NEBL: variants seen among roughly 807,000 people sequenced by gnomAD.
NEBL encodes nebulette, also known as LIM and SH3 protein 2.
A neutral mutation model predicts 140.2 loss-of-function variants in NEBL; 122 were observed. That is an observed-to-expected ratio of 0.87 (90% CI 0.75 to 1.01). The LOEUF is 1.01. Among genes scored for constraint, NEBL ranks in the 50% least tolerant of loss-of-function variants. NEBL has a pLI of 0.00. For synonymous variants in NEBL, 436 were observed against 398.9 expected (o/e 1.09, Z -1.11); for missense variants, 1,365 against 1,231.3 (o/e 1.11, Z -1.62).
chr10:20,952,587 G>A (rs1589066191), intron 4 of NEBL, among the ~76,000 whole-genome samples: 1 of 151,970 alleles, frequency 6.6e-6, no homozygotes, highest in African/African-American at 2.4e-5. Context: ...GTAGAGGGTA[G>A]TATTATCTAG....
intron 4 of NEBL, among the ~76,000 whole-genome samples, chr10:20,944,246 A>C (rs1004389410): frequency 1.3e-5 from 2 of 152,060 alleles, no homozygotes; most frequent in Admixed American, 6.5e-5. Context: ...CTATAAGTAC[A>C]AAAATTAGCC....
At chr10:20,938,162 C>T (rs1447509925) in intron 4 of NEBL, among the ~76,000 whole-genome samples, 3 of 152,334 alleles carry the variant, frequency 2.0e-5, no homozygotes, top group Admixed American at 1.3e-4. Context: ...CCCTGACCCC[C>T]GAGTAGCCTA....
At chr10:21,174,047 C>G (rs1348180867) in exon 1 of NEBL, 2 of 1,123,678 alleles carry the variant, frequency 1.8e-6, no homozygotes, top group Admixed American at 5.0e-5. Context: ...GGCTCGCAGG[C>G]GCTGGGTCTC....
Position 21,054,310 on chromosome 10 carries a change from A to C in NEBL, c.165-34109T>G, listed in dbSNP as rs140327544. 1.2e-3 allele frequency among the ~76,000 whole-genome samples: 182 copies of C among 152,240 alleles called. 1 individual carries two copies. The highest frequency in any genetic ancestry group is 4.3e-3 in the African/African-American group (178 of 41,540). ...ACAAGAAAAACAAAAAGTGCCAGTT[A>C]AGGTAGAGCCAGGCCAAATCTGTTT... On this transcript the variant is annotated intron_variant, in intron 2 of 6. Transcript: ENST00000417816.
intron 3 of NEBL, among the ~76,000 whole-genome samples, chr10:21,247,556 C>T (rs1204667341): frequency 6.6e-6 from 1 of 152,184 alleles, no homozygotes; most frequent in East Asian, 1.9e-4. Flanking sequence ...TTTTTCACCT[C>T]ATCATCCTCA....
In NEBL at chr10:20,983,195, A is replaced by C. The variant is rs192370640; in HGVS notation, c.250-21416T>G. ...AGGAAGTGAGAAAATCAAATTAGATAATCTCCATAAGTCTTGTAGAATGCT... is the reference window on the plus strand; with the variant it reads ...AGGAAGTGAGAAAATCAAATTAGATCATCTCCATAAGTCTTGTAGAATGCT... On this transcript the variant is annotated intron_variant, in intron 3 of 6. Coordinates refer to the NEBL transcript ENST00000417816. Among the ~76,000 whole-genome samples, 25 of 152,328 alleles carry C rather than the reference A, an allele frequency of 1.6e-4. No individual in the cohort carries two copies. The East Asian group carries it at 2.1e-3, about 13-fold the overall frequency.
At chr10:20,808,766 A>G in intron 25 of NEBL, 107 bp from the exon 26 acceptor site, 1 of 1,235,782 alleles carries the variant, frequency 8.1e-7, no homozygotes, top group South Asian at 1.2e-5. Context: ...ATCTCTTAGT[A>G]AAGAATAACT....
At position 20,921,802 on chromosome 10, in the gene NEBL, T is replaced by A. The variant is rs570512948; in HGVS notation, c.357+39870A>T. ...GTACATGCACACACACACATATGTA[T>A]ACACACATGCACACCCCCACACACA... On this transcript the variant is annotated intron_variant, in intron 4 of 6. Transcript: ENST00000417816. Among the ~76,000 whole-genome samples the A allele has an allele frequency of 6.6e-5, 10 of 152,116 alleles. No individual in the cohort carries two copies. In the East Asian group the frequency reaches 1.7e-3, roughly 26 times the overall value.
intron 2 of NEBL, chr10:21,029,810 T>C: frequency 1.4e-6 from 1 of 722,482 alleles, no homozygotes; most frequent in South Asian, 1.6e-5. Flanking sequence ...TGCTAGAGGC[T>C]ATCATTCCTG....
chr10:21,003,731 G>C (rs1462279874), intron 3 of NEBL, among the ~76,000 whole-genome samples: 1 of 152,110 alleles, frequency 6.6e-6, no homozygotes, highest in Non-Finnish European at 1.5e-5. Flanking sequence ...CTCTGCACAG[G>C]TACAATCACA....
At chr10:20,815,890 T>C (rs1838679363) in intron 21 of NEBL, 173 bp from the exon 22 acceptor site, 1 of 610,886 alleles carries the variant, frequency 1.6e-6, no homozygotes, top group South Asian at 1.9e-5. Flanking sequence ...CACCTCAGCC[T>C]CCCAGGTAGC....
intron 2 of NEBL, among the ~76,000 whole-genome samples, chr10:21,094,316 T>G (rs924295419): frequency 6.6e-6 from 1 of 151,720 alleles, no homozygotes; most frequent in African/African-American, 2.4e-5. Flanking sequence ...TCCTGGCTAA[T>G]ACGGTGAAAC....
At position 21,227,260 on chromosome 10, in the gene NEBL, T is replaced by C. The variant is rs182183440; in HGVS notation, n.348+20661A>G. On this transcript the variant is annotated intron_variant and non_coding_transcript_variant, in intron 3 of 8. Transcript: ENST00000675702. ...TTTCAGGACATCCTCCTTGCCTCCA[T>C]TCAGTTAATTCCATATTTTAGGGCT... Among the ~76,000 whole-genome samples the C allele has an allele frequency of 2.7e-4, 41 of 152,298 alleles. 1 individual carries two copies. Among genetic ancestry groups the C allele is most frequent in the Admixed American group, 1.4e-3 (22 of 15,292 alleles).
intron 2 of NEBL, among the ~76,000 whole-genome samples, chr10:21,108,072 T>C (rs1156812948): frequency 6.6e-6 from 1 of 152,172 alleles, no homozygotes; most frequent in Non-Finnish European, 1.5e-5. Context: ...TCTTTATTAG[T>C]CTGGCTAGTG....
At chr10:20,815,431 CAA>C (rs1838627206) in intron 22 of NEBL, among the ~76,000 whole-genome samples, 192 bp downstream of exon 22, 2 of 152,146 alleles carry the variant, frequency 1.3e-5, no homozygotes, top group Non-Finnish European at 2.9e-5. Context: ...CTGGAAATAA[CAA>C]AGAGTTGCAA....
chr10:21,033,746 A>AC (rs1445050270), intron 2 of NEBL, among the ~76,000 whole-genome samples: 1 of 110,836 alleles, frequency 9.0e-6, no homozygotes, highest in African/African-American at 3.1e-5. Flanking sequence ...TCTCCGAAAA[A>AC]AAAAAAAAAA....
At chr10:20,798,657 C>T (rs1219667865) in intron 26 of NEBL, among the ~76,000 whole-genome samples, 2 of 152,178 alleles carry the variant, frequency 1.3e-5, no homozygotes, top group Non-Finnish European at 2.9e-5. Context: ...TCTCATTTGA[C>T]ACACATGCTA....
chr10:21,060,487 G>A (rs1445332919), intron 2 of NEBL, among the ~76,000 whole-genome samples: 5 of 151,976 alleles, frequency 3.3e-5, no homozygotes, highest in Admixed American at 2.6e-4. Flanking sequence ...CTATTATATC[G>A]TACACCCTCT....
At chr10:20,869,156 A>G (rs1287705485) in intron 6 of NEBL, among the ~76,000 whole-genome samples, 1 of 152,188 alleles carries the variant, frequency 6.6e-6, no homozygotes, top group Non-Finnish European at 1.5e-5. Context: ...CATGCAGTTG[A>G]ATACAGTAAT....
Sources: gnomAD v4.1 joint callset for allele counts (sites outside exome capture counted in the v4.1 genomes callset) on GRCh38, gnomAD v4.1.1 for gene constraint, MANE v1.5 for transcripts, NCBI Gene and HGNC (gene_info 2026-07-23, HGNC 2026-07-21) for gene names.